The following MAN2B1 variants were observed in gnomAD, a reference collection of about 807,000 sequenced individuals.
MAN2B1 encodes the protein lysosomal alpha-mannosidase.
A neutral mutation model predicts 127.5 loss-of-function variants in MAN2B1; 99 were observed. That is an observed-to-expected ratio of 0.78 (90% CI 0.66 to 0.92). The LOEUF is 0.92. MAN2B1 is among the 40% of genes least tolerant of loss of function. The pLI, the probability that MAN2B1 is intolerant of heterozygous loss-of-function variation, is 0.00. For missense variants in MAN2B1, 1,304 were observed against 1,384.8 expected, an observed-to-expected ratio of 0.94 and a Z score of 0.93; for synonymous variants, 573 against 568.8, an observed-to-expected ratio of 1.01 and a Z score of -0.11.
Position 12,648,288 on chromosome 19 carries a change from C to G in MAN2B1, c.2551G>C (p.Ala851Pro), listed in dbSNP as rs528323073. ...RHLVLLDTAQ[A>P]AAAGHRLLAE... is the part of the protein sequence containing the mutation. Reference sequence around the variant, plus strand: ...AGGAGCCGGTGTCCGGCGGCTGCAGCCTGGGCTGTGTCCAGCAGCACCAGG... The same window carrying G: ...AGGAGCCGGTGTCCGGCGGCTGCAGGCTGGGCTGTGTCCAGCAGCACCAGG... The change falls in exon 21 of 24, where the codon GCT becomes CCT. Residue 851 changes from alanine (A) to proline (P), a missense_variant. Physicochemically the swap from Ala to Pro is conservative, Grantham distance 27 (BLOSUM62 -1). Coordinates refer to ENST00000456935, the MANE Select transcript of MAN2B1 (RefSeq NM_000528.4). 2.5e-6 allele frequency: 4 copies of G among 1,611,670 alleles called. No individual in the cohort carries two copies. In the South Asian group the frequency reaches 3.3e-5, roughly 13 times the overall value.
At chr19:12,656,115 A>G in intron 13 of MAN2B1, 1 of 427,478 alleles carries the variant, frequency 2.3e-6, no homozygotes, top group Non-Finnish European at 4.2e-6. Context: ...GTGAAGGAGG[A>G]AGTAGGGGAA....
chr19:12,653,393 C>CA (rs35979808), intron 14 of MAN2B1, among the ~76,000 whole-genome samples: 40,754 of 151,490 alleles, frequency 0.27, 6,675 homozygotes, highest in Non-Finnish European at 0.38. Context: ...GATCCACCCC[C>CA]CCCTCAGCCT....
Position 12,655,856 on chromosome 19 carries a change from G to T in MAN2B1, c.1668C>A (p.Asp556Glu), listed in dbSNP as rs766513928. The T allele has an allele frequency of 2.8e-5, 45 of 1,613,778 alleles. No homozygotes were observed. Among genetic ancestry groups the T allele is most frequent in the East Asian group, 2.0e-4 (9 of 44,900 alleles). ...GCAGCTCCGGAGGGTGCGCCTGGCT[G>T]TCTGAGCTGGGAAATATTACCACCT... ...PSDVVIFPSS[D>E]SQAHPPELLF... Residue 556 changes from aspartate to glutamate, a missense_variant, in exon 14 of 24, where the codon GAC becomes GAA. Transcript: ENST00000456935.
intron 16 of MAN2B1, among the ~76,000 whole-genome samples, chr19:12,650,590 C>T (rs2023821947): frequency 6.6e-6 from 1 of 151,990 alleles, no homozygotes. Flanking sequence ...GATCTCCTGA[C>T]CTCGTGATCA....
intron 14 of MAN2B1, among the ~76,000 whole-genome samples, chr19:12,655,426 C>T (rs1045361920): frequency 6.6e-6 from 1 of 152,194 alleles, no homozygotes; most frequent in African/African-American, 2.4e-5. Context: ...TTCCCTGAAA[C>T]GTCCCTGCCA....
chr19:12,665,066 G>C, intron 3 of MAN2B1, 81 bp from the exon 4 acceptor site: 1 of 1,318,074 alleles, frequency 7.6e-7, no homozygotes, highest in East Asian at 2.3e-5. Context: ...GAATGTGAAA[G>C]CCTGCCTGTG....
intron 16 of MAN2B1, 140 bp from the exon 17 acceptor site, chr19:12,650,362 T>C: frequency 2.7e-5 from 16 of 590,098 alleles, no homozygotes; most frequent in Middle Eastern, 9.2e-4. Context: ...TAATTCTTTT[T>C]TTTTTTTTTT....
chr19:12,659,868 A>C (rs1198885314), intron 7 of MAN2B1, among the ~76,000 whole-genome samples: 1 of 152,124 alleles, frequency 6.6e-6, no homozygotes, highest in Non-Finnish European at 1.5e-5. Context: ...ATAAATAAAA[A>C]TAAATGACAT....
chr19:12,653,308 G>C (rs1030303358), intron 14 of MAN2B1, among the ~76,000 whole-genome samples: 1 of 151,590 alleles, frequency 6.6e-6, no homozygotes, highest in Non-Finnish European at 1.5e-5. Context: ...CACCACACCT[G>C]GCTAATTTTT....
At chr19:12,657,294 C>T in intron 11 of MAN2B1, 152 bp downstream of exon 11, 1 of 749,338 alleles carries the variant, frequency 1.3e-6, no homozygotes, top group South Asian at 1.5e-5. Flanking sequence ...TATCTTTCCC[C>T]GCCTCCTACA....
At position 12,661,247 on chromosome 19, in the gene MAN2B1, T is replaced by G. The variant is rs2024095539; in HGVS notation, c.1026+13A>C. 1.3e-6 allele frequency: 2 copies of G among 1,574,538 alleles called. No individual in the cohort carries two copies. Among genetic ancestry groups the G allele is most frequent in the Non-Finnish European group, 1.7e-6 (2 of 1,144,026 alleles). On this transcript the variant is annotated intron_variant, in intron 7 of 23. Coordinates refer to ENST00000456935, the MANE Select transcript of MAN2B1 (RefSeq NM_000528.4). Reference sequence around the variant, plus strand: ...ACATGTGCACAAGGGTACCACAGGGTAGGCGCACTGACCTGCGCATTTACC... The same window carrying G: ...ACATGTGCACAAGGGTACCACAGGGGAGGCGCACTGACCTGCGCATTTACC...
chr19:12,648,496 G>T, intron 20 of MAN2B1, 94 bp from the exon 21 acceptor site: 1 of 901,042 alleles, frequency 1.1e-6, no homozygotes, highest in Non-Finnish European at 1.7e-6. Flanking sequence ...AATGTCAAAA[G>T]AAATTAAAGG....
intron 4 of MAN2B1, 90 bp downstream of exon 4, chr19:12,664,702 G>T: frequency 7.4e-7 from 1 of 1,346,652 alleles, no homozygotes; most frequent in African/African-American, 1.4e-5. Flanking sequence ...TGGTCCTTGT[G>T]AGATTGCAGG....
At chr19:12,651,643 G>C (rs995888969) in intron 16 of MAN2B1, among the ~76,000 whole-genome samples, 1 of 147,176 alleles carries the variant, frequency 6.8e-6, no homozygotes, top group Non-Finnish European at 1.5e-5. Flanking sequence ...ACAAATGTGA[G>C]TTTTGTCATC....
chr19:12,661,359 G>A lies in MAN2B1; in HGVS notation c.927C>T (p.Thr309=), dbSNP rs759023914. 1.5e-5 allele frequency: 24 copies of A among 1,613,152 alleles called. No individual in the cohort carries two copies. In the Middle Eastern group the frequency reaches 6.6e-4, roughly 44 times the overall value. ...VATAQGRYYR[T]NHTVMTMGSD... is the part of the protein sequence containing the mutation. The stretch of plus-strand genomic sequence containing the variant: ...AGCCCATGGTCATCACAGTGTGGTT[G>A]GTGCGGTAATACCGGCCCTGCAGGC... The change falls in exon 7 of 24, where the codon ACC becomes ACT. Residue 309 remains threonine (T), a synonymous_variant. Transcript: ENST00000456935.
Position 12,657,079 on chromosome 19 carries a change from C to G in MAN2B1, c.1420-23G>C, listed in dbSNP as rs1443075915. On this transcript the variant is annotated intron_variant, in intron 11 of 23. Coordinates refer to ENST00000456935, the MANE Select transcript of MAN2B1 (RefSeq NM_000528.4). The stretch of plus-strand genomic sequence containing the variant: ...AACCTGCGGAAGAGCGCAAAGGGAC[C>G]GGTGGGTTCAGGACGCCAGGCCTGA... 4.1e-6 allele frequency: 6 copies of G among 1,479,960 alleles called. No individual in the cohort carries two copies. The South Asian group carries it at 4.6e-5, about 11-fold the overall frequency. 91.7% of individuals were successfully genotyped at this position (1,479,960 alleles called of 1,614,324 possible).
intron 16 of MAN2B1, 130 bp from the exon 17 acceptor site, chr19:12,650,352 T>A: frequency 9.6e-6 from 6 of 626,978 alleles, no homozygotes; most frequent in East Asian, 2.9e-5. Flanking sequence ...CACCGCCACA[T>A]AATTCTTTTT....
intron 2 of MAN2B1, 30 bp from the exon 3 acceptor site, chr19:12,665,555 G>A (rs368634989): frequency 8.7e-5 from 140 of 1,612,670 alleles, no homozygotes; most frequent in Non-Finnish European, 1.2e-4. Context: ...GGCTCTCAGG[G>A]AACAGCAGAG....
chr19:12,649,856 C>A, intron 18 of MAN2B1, 57 bp downstream of exon 18: 1 of 1,380,654 alleles, frequency 7.2e-7, no homozygotes, highest in Non-Finnish European at 1.0e-6. Flanking sequence ...TCCCTCACCA[C>A]CCCTGGGCCC....
Sources: allele counts gnomAD v4.1 joint callset (sites outside exome capture counted in the v4.1 genomes callset), GRCh38; gene constraint gnomAD v4.1.1; transcripts MANE v1.5; gene names NCBI Gene and HGNC (gene_info 2026-07-23, HGNC 2026-07-21).